Variants in GRID1 observed in about 807,000 individuals in gnomAD.
The protein encoded by GRID1 is glutamate receptor ionotropic, delta-1.
GRID1 carries 28 observed loss-of-function variants against 98.0 expected under a neutral mutation model. The observed-to-expected ratio is 0.29, with a 90% CI of 0.21 to 0.39. GRID1 has a LOEUF of 0.39. Among genes scored for constraint, GRID1 ranks in the 10% least tolerant of loss-of-function variants. The pLI, the probability that GRID1 is intolerant of heterozygous loss-of-function variation, is 1.00. For synonymous variants in GRID1, 553 were observed against 538.5 expected (o/e 1.03, Z -0.37); for missense variants, 1,111 against 1,340.5 (o/e 0.83, Z 2.67).
At chr10:86,153,750 C>A (rs769563930) in intron 3 of GRID1, among the ~76,000 whole-genome samples, 3 of 152,130 alleles carry the variant, frequency 2.0e-5, no homozygotes, top group African/African-American at 4.8e-5. Flanking sequence ...GCCTGCTAAG[C>A]CCCCAAATTA....
chr10:86,300,655 C>A (rs1847672758), intron 2 of GRID1, among the ~76,000 whole-genome samples: 1 of 151,926 alleles, frequency 6.6e-6, no homozygotes, highest in Non-Finnish European at 1.5e-5. Context: ...ATGGCAAAGA[C>A]CAGCTTCTTC....
In GRID1 at chr10:85,825,618, G is replaced by A. The variant is rs115011621; in HGVS notation, c.1233+28878C>T. On this transcript the variant is annotated intron_variant, in intron 8 of 15. Coordinates refer to ENST00000327946, the MANE Select transcript of GRID1 (RefSeq NM_017551.3). ...AGAATAATTTATGCTAGATTGTAATGAGTCAAATGTATTAGTTAATCTCTA... is the reference window on the plus strand; with the variant it reads ...AGAATAATTTATGCTAGATTGTAATAAGTCAAATGTATTAGTTAATCTCTA... Among the ~76,000 whole-genome samples, 1,083 of 152,260 alleles carry A rather than the reference G, an allele frequency of 7.1e-3. 8 individuals are homozygous for A. Among genetic ancestry groups the A allele is most frequent in the African/African-American group, 0.025 (1,037 of 41,556 alleles).
At chr10:85,709,122 C>A in intron 12 of GRID1, 1 of 341,002 alleles carries the variant, frequency 2.9e-6, no homozygotes, top group Admixed American at 3.3e-5. Context: ...AGATGGTATA[C>A]CAGCAATGTG....
At chr10:85,678,796 C>T (rs1841173804) in intron 12 of GRID1, among the ~76,000 whole-genome samples, 1 of 152,124 alleles carries the variant, frequency 6.6e-6, no homozygotes, top group African/African-American at 2.4e-5. Flanking sequence ...CTCTCCCCTT[C>T]CTCTCACCAT....
At chr10:85,767,564 T>G (rs1043091333) in intron 8 of GRID1, among the ~76,000 whole-genome samples, 2 of 152,236 alleles carry the variant, frequency 1.3e-5, no homozygotes, top group Non-Finnish European at 2.9e-5. Flanking sequence ...ATTTTCATTT[T>G]GCTGAAGTTT....
chr10:86,191,209 G>C (rs534132931), intron 3 of GRID1, among the ~76,000 whole-genome samples: 25 of 152,294 alleles, frequency 1.6e-4, no homozygotes, highest in African/African-American at 5.5e-4. Context: ...CAGTAACCTG[G>C]GGTGAGATGC....
intron 4 of GRID1, among the ~76,000 whole-genome samples, chr10:86,038,087 C>T (rs566133653): frequency 6.6e-6 from 1 of 152,238 alleles, no homozygotes; most frequent in East Asian, 1.9e-4. Context: ...ATAACATGTA[C>T]AATCTAAGGA....
At position 85,840,530 on chromosome 10, in the gene GRID1, G is replaced by C. The variant is rs144314350; in HGVS notation, c.1233+13966C>G. Among the ~76,000 whole-genome samples, 108 of 152,068 alleles carry C rather than the reference G, an allele frequency of 7.1e-4. 3 individuals carry two copies. The East Asian group carries it at 0.019, about 27-fold the overall frequency. ...AGAAATAAAGTGCATCCAAATAGGA[G>C]GAGGAGAAGTTAAACTATCCCTGTT... On this transcript the variant is annotated intron_variant, in intron 8 of 15. Transcript: ENST00000327946.
chr10:85,810,919 G>A (rs1019635158), intron 8 of GRID1, among the ~76,000 whole-genome samples: 7 of 152,044 alleles, frequency 4.6e-5, no homozygotes, highest in African/African-American at 1.7e-4. Context: ...CAGTCCCCAA[G>A]CCAGCTGACT....
chr10:86,073,030 A>G (rs1254638221), intron 4 of GRID1, among the ~76,000 whole-genome samples: 2 of 152,278 alleles, frequency 1.3e-5, no homozygotes, highest in African/African-American at 4.8e-5. Context: ...TTGAGAATAA[A>G]GAATAAATAA....
chr10:86,243,108 A>G (rs2492740), intron 2 of GRID1, among the ~76,000 whole-genome samples: 136,014 of 152,182 alleles, frequency 0.89, 61,347 homozygotes, highest in African/African-American at 0.92. Context: ...TGTAATTCTC[A>G]GTGCTGCTGC....
chr10:86,215,575 A>G (rs1846166397), intron 2 of GRID1, among the ~76,000 whole-genome samples: 1 of 152,122 alleles, frequency 6.6e-6, no homozygotes, highest in Non-Finnish European at 1.5e-5. Context: ...GACAGTGATG[A>G]GTCCTGGGCA....
intron 8 of GRID1, among the ~76,000 whole-genome samples, chr10:85,752,829 C>G (rs919920417): frequency 1.3e-5 from 2 of 152,056 alleles, no homozygotes; most frequent in African/African-American, 2.4e-5. Context: ...TAAAAGGTAA[C>G]TTTTAAGTTT....
intron 4 of GRID1, among the ~76,000 whole-genome samples, chr10:85,967,819 G>A (rs1270333034): frequency 6.6e-6 from 1 of 152,182 alleles, no homozygotes; most frequent in Non-Finnish European, 1.5e-5. Flanking sequence ...ATTGTCATCT[G>A]ACTTCTCAGC....
chr10:85,931,865 A>G (rs1290322609), intron 4 of GRID1, among the ~76,000 whole-genome samples: 1 of 152,184 alleles, frequency 6.6e-6, no homozygotes, highest in Non-Finnish European at 1.5e-5. Flanking sequence ...GTCCTTTGCA[A>G]TGGAAGATTC....
chr10:85,665,353 C>T (rs1467073363), intron 12 of GRID1, among the ~76,000 whole-genome samples: 1 of 152,194 alleles, frequency 6.6e-6, no homozygotes, highest in Non-Finnish European at 1.5e-5. Context: ...TTCCCTCCTT[C>T]TTCCCATGAT....
At chr10:86,317,844 G>A (rs1187916951) in intron 2 of GRID1, among the ~76,000 whole-genome samples, 6 of 151,996 alleles carry the variant, frequency 3.9e-5, no homozygotes, top group African/African-American at 9.7e-5. Context: ...AAGTTCAAGC[G>A]ATCCTCCCAC....
intron 12 of GRID1, 175 bp from the exon 13 acceptor site, chr10:85,647,572 C>G (rs185420693): frequency 1.8e-5 from 11 of 597,322 alleles, no homozygotes; most frequent in East Asian, 1.4e-4. Context: ...GGACTTGCAG[C>G]GCCTCATTCA....
chr10:86,118,944 C>T (rs1342694304), intron 4 of GRID1, among the ~76,000 whole-genome samples: 2 of 152,144 alleles, frequency 1.3e-5, no homozygotes, highest in Non-Finnish European at 2.9e-5. Context: ...CTATCACATC[C>T]AAGAGGTGCC....
Sources: allele counts gnomAD v4.1 joint callset (sites outside exome capture counted in the v4.1 genomes callset), GRCh38; gene constraint gnomAD v4.1.1; transcripts MANE v1.5; gene names NCBI Gene and HGNC (gene_info 2026-07-23, HGNC 2026-07-21).